Variants in MEST observed in about 807,000 individuals in gnomAD.
MEST encodes the protein mesoderm-specific transcript homolog protein.
Under a neutral mutation model 50.9 loss-of-function variants are expected in MEST, and 18 were observed. That is an observed-to-expected ratio of 0.35 (90% CI 0.24 to 0.52). The LOEUF is 0.52. Among genes scored for constraint, MEST ranks in the 20% least tolerant of loss-of-function variants. MEST has a pLI of 0.94. For synonymous variants in MEST, 130 were observed against 154.1 expected, an observed-to-expected ratio of 0.84 and a Z score of 1.16; for missense variants, 282 against 425.3, an observed-to-expected ratio of 0.66 and a Z score of 2.96.
intron 6 of MEST, 93 bp from the exon 7 acceptor site, chr7:130,499,782 G>A (rs961608169): frequency 1.9e-6 from 2 of 1,030,498 alleles, no homozygotes; most frequent in Non-Finnish European, 1.4e-6. Flanking sequence ...GCTTGAGCTC[G>A]AGACCAGCTG....
In MEST at chr7:130,492,355, G is replaced by A. The variant is rs1206426026; in HGVS notation, c.26+16G>A. On this transcript the variant is annotated intron_variant, in intron 1 of 11. Transcript: ENST00000223215. The surrounding 1 kb of genome is among the most constrained non-coding windows in gnomAD (Gnocchi z 7.6). ...GCCTCCGCAGGTGAGTGTGCGGTGG[G>A]AACGAGGGGGTGTGGCTGGCGGCCC... 1 of 1,309,998 alleles carries A rather than the reference G, an allele frequency of 7.6e-7. No individual in the cohort carries two copies. Among genetic ancestry groups the A allele is most frequent in the Non-Finnish European group, 9.8e-7 (1 of 1,024,152 alleles). The allele number at this position is 1,309,998 out of a possible 1,614,324, so 81.1% of individuals were successfully genotyped here. A position where few individuals can be genotyped will look rare whatever the true frequency, so the allele number is the denominator to read the frequency against.
intron 6 of MEST, 49 bp downstream of exon 6, chr7:130,498,526 A>G: frequency 6.7e-7 from 1 of 1,499,960 alleles, no homozygotes; most frequent in Non-Finnish European, 9.3e-7. Context: ...TAGAAGGGCC[A>G]TCTTTAGATA....
intron 1 of MEST, among the ~76,000 whole-genome samples, chr7:130,495,085 A>G (rs771849711): frequency 2.6e-5 from 4 of 152,168 alleles, no homozygotes; most frequent in Non-Finnish European, 2.9e-5. Flanking sequence ...GAAGACCACA[A>G]GGGTAGGGGC....
intron 2 of MEST, chr7:130,496,091 G>T: frequency 2.1e-6 from 1 of 471,254 alleles, no homozygotes; most frequent in Non-Finnish European, 4.4e-6. Flanking sequence ...AAGAAACTGA[G>T]AAACAGATTG....
chr7:130,500,751 T>C lies in MEST; in HGVS notation c.648-38T>C, dbSNP rs567020129. The C allele has an allele frequency of 6.5e-7, 1 of 1,549,254 alleles. No individual in the cohort carries two copies. The highest frequency in any genetic ancestry group is 1.2e-5 in the South Asian group (1 of 84,574). ...CAGCCATATTGAACATTCTGAGTTCTCCTCACACTTATCTTCCTGCGTTTT... is the reference window on the plus strand; with the variant it reads ...CAGCCATATTGAACATTCTGAGTTCCCCTCACACTTATCTTCCTGCGTTTT... On this transcript the variant is annotated intron_variant, in intron 8 of 11. Transcript: ENST00000223215. The surrounding 1 kb of genome is among the most constrained non-coding windows in gnomAD (Gnocchi z 5.0).
chr7:130,495,872 C>A (rs1799036988), intron 2 of MEST: 3 of 281,618 alleles, frequency 1.1e-5, no homozygotes, highest in South Asian at 9.6e-5. Context: ...TCCCTGATTT[C>A]ATTTTTTCTG....
chr7:130,504,918 C>T (rs369691561), intron 11 of MEST, 21 bp from the exon 12 acceptor site: 13 of 1,592,558 alleles, frequency 8.2e-6, no homozygotes, highest in South Asian at 1.1e-5. Flanking sequence ...AGTTCACCTG[C>T]GTGCTGTTCT....
chr7:130,501,986 CAA>C (rs3835383), intron 9 of MEST, among the ~76,000 whole-genome samples: 55 of 121,194 alleles, frequency 4.5e-4, no homozygotes, highest in Admixed American at 6.3e-4. Context: ...GACTCCGTCT[CAA>C]AAAAAAAAAA....
intron 4 of MEST, 46 bp from the exon 5 acceptor site, chr7:130,498,093 T>G (rs1799134496): frequency 1.2e-6 from 2 of 1,613,928 alleles, no homozygotes; most frequent in African/African-American, 2.7e-5. Flanking sequence ...CAGAGAGAGC[T>G]GTCCTCATGA....
At chr7:130,498,046 G>A (rs1799131645) in intron 4 of MEST, 33 bp downstream of exon 4, 1 of 1,614,024 alleles carries the variant, frequency 6.2e-7, no homozygotes, top group Non-Finnish European at 8.5e-7. Context: ...TGGTGATGGG[G>A]TGTGGGGGCA....
At position 130,505,445 on chromosome 7, in the gene MEST, T is replaced by C. The variant is rs1554439689; in HGVS notation, c.*389T>C. 1 of 160,032 alleles carries C rather than the reference T, an allele frequency of 6.2e-6. No individual in the cohort carries two copies. The highest frequency in any genetic ancestry group is 1.4e-5 in the Non-Finnish European group (1 of 72,396). The allele number at this position is 160,032 out of a possible 1,614,324, so 9.9% of individuals were successfully genotyped here. ...TTTCTGGCCCACCCCCAACAGGAAT[T>C]CTATAGTAAGGAGGAGGAGAAGGGG... On this transcript the variant is annotated 3_prime_UTR_variant, in exon 12 of 12. Transcript: ENST00000223215.
chr7:130,492,374 G>A lies in MEST; in HGVS notation c.26+35G>A. On this transcript the variant is annotated intron_variant, in intron 1 of 11. Transcript: ENST00000223215. This position sits in a 1 kb window ranked among gnomAD's most constrained non-coding sequence, Gnocchi z 7.6. ...CGGTGGGAACGAGGGGGTGTGGCTG[G>A]CGGCCCTGGGACTAGGGCGCAGGCG... The A allele has an allele frequency of 7.8e-7, 1 of 1,288,522 alleles. No homozygotes were observed. Among genetic ancestry groups the A allele is most frequent in the Non-Finnish European group, 9.9e-7 (1 of 1,012,238 alleles). 79.8% of individuals were successfully genotyped at this position (1,288,522 alleles called of 1,614,324 possible). A position where few individuals can be genotyped will look rare whatever the true frequency, so the allele number is the denominator to read the frequency against.
chr7:130,502,350 T>C (rs1799307429), intron 9 of MEST, among the ~76,000 whole-genome samples: 1 of 152,230 alleles, frequency 6.6e-6, no homozygotes, highest in Non-Finnish European at 1.5e-5. Context: ...GCTTTTTAGT[T>C]ACATAAAATC....
chr7:130,495,795 A>G (rs1476986325), intron 2 of MEST: 12 of 127,784 alleles, frequency 9.4e-5, no homozygotes, highest in Non-Finnish European at 1.9e-4. Flanking sequence ...TTTTTTTTTG[A>G]GCAACCTGTC....
At chr7:130,495,777 A>AGTTT in intron 2 of MEST, 1 of 202,008 alleles carries the variant, frequency 5.0e-6, no homozygotes, top group African/African-American at 2.7e-5. Context: ...TTCCAATATT[A>AGTTT]GTTTTTTTTT....
In MEST at chr7:130,500,714, C is replaced by T; in HGVS notation, c.648-75C>T. 1 of 1,325,506 alleles carries T rather than the reference C, an allele frequency of 7.5e-7. No individual in the cohort carries two copies. Among genetic ancestry groups the T allele is most frequent in the Non-Finnish European group, 1.1e-6 (1 of 948,900 alleles). 82.1% of individuals were successfully genotyped at this position (1,325,506 alleles called of 1,614,324 possible). A position where few individuals can be genotyped will look rare whatever the true frequency, so the allele number is the denominator to read the frequency against. ...AGACTGCATGGCCCAGACTGCATGG[C>T]CTCTGAGGTTCCAGCCATATTGAAC... is the stretch of plus-strand genomic sequence containing the variant. On this transcript the variant is annotated intron_variant, in intron 8 of 11. Transcript: ENST00000223215. The surrounding 1 kb of genome is among the most constrained non-coding windows in gnomAD (Gnocchi z 5.0).
intron 9 of MEST, among the ~76,000 whole-genome samples, chr7:130,501,299 A>G (rs1799269408): frequency 6.6e-6 from 1 of 152,186 alleles, no homozygotes; most frequent in Admixed American, 6.5e-5. Context: ...AGCTGTAACT[A>G]CTTGGGATAA....
chr7:130,498,014 G>A lies in MEST; in HGVS notation c.339+1G>A, dbSNP rs1554437531. 1 of 1,614,198 alleles carries A rather than the reference G, an allele frequency of 6.2e-7. No homozygotes were observed. Among genetic ancestry groups the A allele is most frequent in the South Asian group, 1.1e-5 (1 of 91,082 alleles). Reference sequence around the variant, plus strand: ...AGGCTTTGGCTTCAGTGACAAACCGGTAAGCAGCACCTATGTGGGGCTGGT... The same window carrying A: ...AGGCTTTGGCTTCAGTGACAAACCGATAAGCAGCACCTATGTGGGGCTGGT... On this transcript the variant is annotated splice_donor_variant, in intron 4 of 11. Coordinates refer to ENST00000223215, the MANE Select transcript of MEST (RefSeq NM_002402.4). LOFTEE classifies it high-confidence loss of function.
chr7:130,497,817 G>A lies in MEST; in HGVS notation c.262-119G>A, dbSNP rs1207006986. 19 of 850,858 alleles carry A rather than the reference G, an allele frequency of 2.2e-5. No individual in the cohort carries two copies. In the East Asian group the frequency reaches 3.2e-4, roughly 14 times the overall value. 52.7% of individuals were successfully genotyped at this position (850,858 alleles called of 1,614,324 possible). A position where few individuals can be genotyped will look rare whatever the true frequency, so the allele number is the denominator to read the frequency against. ...GTGGGACCTGTGGTAGTTTCATGGC[G>A]TTTTCTCTTTATGGAAGTCTGTTAA... On this transcript the variant is annotated intron_variant, in intron 3 of 11. Transcript: ENST00000223215. This position sits in a 1 kb window ranked among gnomAD's most constrained non-coding sequence, Gnocchi z 4.0.
Sources: gnomAD v4.1 joint callset for allele counts (sites outside exome capture counted in the v4.1 genomes callset) on GRCh38, gnomAD v4.1.1 for gene constraint, Gnocchi (gnomAD v3.1) non-coding constraint, MANE v1.5 for transcripts, NCBI Gene and HGNC (gene_info 2026-07-23, HGNC 2026-07-21) for gene names.